ACAN: variants seen among roughly 807,000 people sequenced by gnomAD.
ACAN encodes aggrecan, also known as aggrecan core protein.
A neutral mutation model predicts 169.1 loss-of-function variants in ACAN; 47 were observed. The ratio of observed to expected loss-of-function variants is 0.28; its 90% confidence interval spans 0.22 to 0.35. ACAN has a LOEUF of 0.35. Ranked by LOEUF, ACAN falls within the 10% of genes least tolerant of loss-of-function variation. ACAN has a pLI of 1.00. For missense variants in ACAN, 2,716 were observed against 2,759.9 expected (o/e 0.98, Z 0.36); for synonymous variants, 1,115 against 1,112.2 (o/e 1.00, Z -0.05).
intron 12 of ACAN, 134 bp from the exon 13 acceptor site, chr15:88,860,192 G>T (rs962088582): frequency 5.4e-6 from 3 of 554,730 alleles, no homozygotes; most frequent in Non-Finnish European, 9.5e-6. Context: ...AGGGACAGAG[G>T]CCTCAGAAAA....
At chr15:88,841,965 C>A in intron 5 of ACAN, 98 bp downstream of exon 5, 1 of 1,501,250 alleles carries the variant, frequency 6.7e-7, no homozygotes, top group Non-Finnish European at 9.1e-7. Context: ...CACAGGCTGC[C>A]AGCTCAGGGC....
chr15:88,841,056 A>G lies in ACAN; in HGVS notation c.630-684A>G, dbSNP rs1193832321. 2.0e-5 allele frequency among the ~76,000 whole-genome samples: 3 copies of G among 152,200 alleles called. No individual in the cohort carries two copies. In the South Asian group the frequency reaches 6.2e-4, roughly 32 times the overall value. On this transcript the variant is annotated intron_variant, in intron 4 of 18. Transcript: ENST00000560601. ...GCTACTCGGGAGGCTGAGGCAGGAGAATGGCGTGAACCCGGGAGGTGGAGC... is the reference window on the plus strand; with the variant it reads ...GCTACTCGGGAGGCTGAGGCAGGAGGATGGCGTGAACCCGGGAGGTGGAGC...
intron 1 of ACAN, among the ~76,000 whole-genome samples, chr15:88,806,885 T>C (rs114526621): frequency 0.01 from 1,596 of 152,306 alleles, 26 homozygotes; most frequent in African/African-American, 0.035. Flanking sequence ...GATAATCTCA[T>C]AGTGCCTCCT....
Position 88,851,113 on chromosome 15 carries a change from T to G in ACAN, c.2027-681T>G, listed in dbSNP as rs1896920354. 1.3e-5 allele frequency: 2 copies of G among 152,128 alleles called. No homozygotes were observed. The highest frequency in any genetic ancestry group is 1.3e-4 in the Admixed American group (2 of 15,246). 9.4% of individuals were successfully genotyped at this position (152,128 alleles called of 1,614,324 possible). A position where few individuals can be genotyped will look rare whatever the true frequency, so the allele number is the denominator to read the frequency against. On this transcript the variant is annotated intron_variant, in intron 10 of 18. Transcript: ENST00000560601. The surrounding 1 kb of genome is among the most constrained non-coding windows in gnomAD (Gnocchi z 4.3). ...TTTCCCAGCCATGCTGCCCCCAGCC[T>G]CCCACCCCTGACCCTCCGTGAACTC...
Position 88,839,037 on chromosome 15 carries a change from G to A in ACAN, c.445G>A (p.Val149Met), listed in dbSNP as rs1177970558. 1.5e-5 allele frequency: 24 copies of A among 1,602,196 alleles called. No individual in the cohort carries two copies. Among genetic ancestry groups the A allele is most frequent in the South Asian group, 7.7e-5 (7 of 91,080 alleles). The change falls in exon 3 of 19, where the codon GTG becomes ATG. Residue 149 changes from valine to methionine, a missense_variant. By Grantham distance (21) the Val-to-Met change is conservative (BLOSUM62 1). Coordinates refer to ENST00000560601, the MANE Select transcript of ACAN (RefSeq NM_001369268.1). The surrounding 1 kb of genome is among the most constrained non-coding windows in gnomAD (Gnocchi z 4.5). ...GGACAGCGAGGCCACCCTGGAAGTC[G>A]TGGTGAAAGGTGAGAGCCTCCCACA... ...IEDSEATLEVVVKGIVFHYRA... is the reference protein window; with the variant it reads ...IEDSEATLEVMVKGIVFHYRA...
In ACAN at chr15:88,869,063, C is replaced by A. The variant is rs938553413; in HGVS notation, c.7060+734C>A. The stretch of plus-strand genomic sequence containing the variant: ...CAACCTCTCCATTTCTGCACCACTT[C>A]TACCAAAAGGAGCTGTGCACCAGGA... On this transcript the variant is annotated intron_variant, in intron 14 of 18. Transcript: ENST00000560601. The surrounding 1 kb of genome is among the most constrained non-coding windows in gnomAD (Gnocchi z 4.2). Among the ~76,000 whole-genome samples the A allele has an allele frequency of 6.6e-6, 1 of 152,182 alleles. No homozygotes were observed. Among genetic ancestry groups the A allele is most frequent in the African/African-American group, 2.4e-5 (1 of 41,438 alleles).
At chr15:88,816,741 G>T (rs892728355) in intron 1 of ACAN, among the ~76,000 whole-genome samples, 1 of 152,178 alleles carries the variant, frequency 6.6e-6, no homozygotes, top group South Asian at 2.1e-4. Flanking sequence ...AAAGAGGCCT[G>T]TTACCCAGAA....
rs1227426027 is a variant in ACAN, at chr15:88,851,829, G to A, written c.2062G>A (p.Gly688Ser). ...SAVPSPGEEE[G>S]GTPTSPSGVE... ...GGTTCCTTCTCCAGGAGAAGAAGAG[G>A]GTGGCACACCCACATCACCCTCTGG... is the stretch of plus-strand genomic sequence containing the variant. The change falls in exon 11 of 19, where the codon GGT becomes AGT. Residue 688 changes from glycine (G) to serine (S), a missense_variant. Gly to Ser is a moderately conservative substitution (Grantham distance 56, BLOSUM62 0). Transcript: ENST00000560601. The surrounding 1 kb of genome is among the most constrained non-coding windows in gnomAD (Gnocchi z 4.3). The A allele has an allele frequency of 1.2e-6, 2 of 1,608,068 alleles. No individual in the cohort carries two copies. Among genetic ancestry groups the A allele is most frequent in the African/African-American group, 1.3e-5 (1 of 74,784 alleles).
In ACAN at chr15:88,874,488, C is replaced by T. The variant is rs766334726; in HGVS notation, c.*7C>T. The T allele has an allele frequency of 6.3e-7, 1 of 1,594,988 alleles. No individual in the cohort carries two copies. ...CCCCAGCACAGCCCACTGAGAAGAGCTTCCAGGACGCACCCAGGACGCTGA... is the reference window on the plus strand; with the variant it reads ...CCCCAGCACAGCCCACTGAGAAGAGTTTCCAGGACGCACCCAGGACGCTGA... On this transcript the variant is annotated 3_prime_UTR_variant, in exon 19 of 19. Coordinates refer to ENST00000560601, the MANE Select transcript of ACAN (RefSeq NM_001369268.1). This position sits in a 1 kb window ranked among gnomAD's most constrained non-coding sequence, Gnocchi z 7.3.
intron 1 of ACAN, among the ~76,000 whole-genome samples, chr15:88,827,462 C>T (rs577277358): frequency 6.6e-6 from 1 of 152,270 alleles, no homozygotes; most frequent in Admixed American, 6.5e-5. Context: ...AGGCTAGCAC[C>T]CATTAGTTGG....
In ACAN at chr15:88,868,275, G is replaced by A. The variant is rs751636799; in HGVS notation, c.7006G>A (p.Asp2336Asn). ...TGGAGCCACCTGCGTGGATGCCATC[G>A]ACTCTTTCACATGCTTATGCCTTCC... Reference protein sequence around the residue: ...LNGATCVDAIDSFTCLCLPSY... With the variant: ...LNGATCVDAINSFTCLCLPSY... The change falls in exon 14 of 19, where the codon GAC becomes AAC. Residue 2336 changes from aspartate to asparagine, a missense_variant. Transcript: ENST00000560601. The surrounding 1 kb of genome is among the most constrained non-coding windows in gnomAD (Gnocchi z 5.2). 55 of 702,656 alleles carry A rather than the reference G, an allele frequency of 7.8e-5. No individual in the cohort carries two copies. The highest frequency in any genetic ancestry group is 4.6e-4 in the Middle Eastern group (2 of 4,386). The allele number at this position is 702,656 out of a possible 1,614,324, so 43.5% of individuals were successfully genotyped here.
intron 11 of ACAN, among the ~76,000 whole-genome samples, chr15:88,853,710 A>C (rs1896981206): frequency 6.6e-6 from 1 of 152,130 alleles, no homozygotes; most frequent in African/African-American, 2.4e-5. Flanking sequence ...GGTCATCCTG[A>C]TGTGTTTCAT....
At chr15:88,860,989 C>G (rs536656514) in intron 13 of ACAN, among the ~76,000 whole-genome samples, 3 of 152,278 alleles carry the variant, frequency 2.0e-5, no homozygotes, top group Admixed American at 2.0e-4. Context: ...CACGTCTGCC[C>G]AGGCACCCAC....
chr15:88,864,298 C>T (rs1418063133), intron 13 of ACAN, among the ~76,000 whole-genome samples: 4 of 150,778 alleles, frequency 2.7e-5, no homozygotes, highest in African/African-American at 9.8e-5. Context: ...GACAGAGTCT[C>T]GCACTGTCAT....
At chr15:88,826,182 A>G (rs984212309) in intron 1 of ACAN, among the ~76,000 whole-genome samples, 2 of 152,152 alleles carry the variant, frequency 1.3e-5, no homozygotes, top group African/African-American at 2.4e-5. Flanking sequence ...GTTGACTAGT[A>G]GGAATCCAGA....
chr15:88,827,174 G>C (rs189510887), intron 1 of ACAN, among the ~76,000 whole-genome samples: 1 of 152,298 alleles, frequency 6.6e-6, no homozygotes, highest in East Asian at 1.9e-4. Context: ...GATAGAGAGG[G>C]GGTGACTGCC....
chr15:88,836,084 G>C, intron 1 of ACAN, 116 bp from the exon 2 acceptor site: 2 of 694,118 alleles, frequency 2.9e-6, no homozygotes, highest in Non-Finnish European at 5.0e-6. Flanking sequence ...CTTCTCTGGA[G>C]ATGATTCCAG....
chr15:88,857,413 C>A lies in ACAN; in HGVS notation c.4828C>A (p.Pro1610Thr). 1 of 1,613,902 alleles carries A rather than the reference C, an allele frequency of 6.2e-7. No individual in the cohort carries two copies. The highest frequency in any genetic ancestry group is 1.1e-5 in the South Asian group (1 of 91,086). Residue 1610 changes from proline to threonine, a missense_variant, in exon 12 of 19, where the codon CCT (proline) becomes ACT (threonine). By Grantham distance (38) the Pro-to-Thr change is conservative. This residue lies in a region of ACAN where 1,389 missense variants were observed against 1,363.7 expected (regional missense o/e 1.02). Transcript: ENST00000560601. ...ASGDLDLGKLPSGTLGSGQAP... is the reference protein window; with the variant it reads ...ASGDLDLGKLTSGTLGSGQAP... ...TGGAGACTTGGACTTGGGCAAACTGCCTTCTGGAACTCTAGGAAGTGGGCA... is the reference window on the plus strand; with the variant it reads ...TGGAGACTTGGACTTGGGCAAACTGACTTCTGGAACTCTAGGAAGTGGGCA...
rs1897396208 is a variant in ACAN, at chr15:88,872,136, T to C, written c.7302+51T>C. The C allele has an allele frequency of 1.3e-6, 2 of 1,502,758 alleles. No homozygotes were observed. The highest frequency in any genetic ancestry group is 1.9e-6 in the Non-Finnish European group (2 of 1,079,332). 93.1% of individuals were successfully genotyped at this position (1,502,758 alleles called of 1,614,324 possible). ...GTGGCCCAGGGGACAGGGAGTGGGA[T>C]AGAGACCCCTGGAGAGAGATGCATT... On this transcript the variant is annotated intron_variant, in intron 16 of 18. Transcript: ENST00000560601. This position sits in a 1 kb window ranked among gnomAD's most constrained non-coding sequence, Gnocchi z 5.4.
Sources: gnomAD v4.1 joint callset for allele counts (sites outside exome capture counted in the v4.1 genomes callset) on GRCh38, gnomAD v4.1.1 for gene constraint, gnomAD v4.1.1 regional missense constraint, Gnocchi (gnomAD v3.1) non-coding constraint, MANE v1.5 for transcripts, NCBI Gene and HGNC (gene_info 2026-07-23, HGNC 2026-07-21) for gene names.